Variants in ZNF197 observed in about 807,000 individuals in gnomAD.
ZNF197 encodes zinc finger protein 197, also known as VHL-associated KRAB-A domain-containing protein.
In ZNF197, 14 loss-of-function variants were observed where a neutral mutation model predicts 27.4. The observed-to-expected ratio is 0.51, with a 90% CI of 0.34 to 0.80. The LOEUF is 0.80. ZNF197 is among the 30% of genes least tolerant of loss of function. ZNF197 has a pLI of 0.02. For missense variants in ZNF197, 1,090 were observed against 1,222.6 expected (o/e 0.89, Z 1.62); for synonymous variants, 415 against 420.0 (o/e 0.99, Z 0.15).
chr3:44,626,091 T>C (rs1701645750), intron 1 of ZNF197, among the ~76,000 whole-genome samples: 1 of 152,228 alleles, frequency 6.6e-6, no homozygotes, highest in Non-Finnish European at 1.5e-5. Flanking sequence ...ATAAAATGTA[T>C]GTTTAAGAAT....
chr3:44,629,499 C>T lies in ZNF197; in HGVS notation c.345C>T (p.Ala115=), dbSNP rs1701861116. 1 of 1,594,010 alleles carries T rather than the reference C, an allele frequency of 6.3e-7. No homozygotes were observed. The highest frequency in any genetic ancestry group is 1.1e-5 in the South Asian group (1 of 87,622). The part of the protein sequence containing the change: ...HHPGSGEEAV[A]LVEELQKDLD... Reference sequence around the variant, plus strand: ...CTGGAAGTGGCGAGGAGGCTGTGGCCCTGGTAGAGGAGCTGCAGAAAGACC... The same window carrying T: ...CTGGAAGTGGCGAGGAGGCTGTGGCTCTGGTAGAGGAGCTGCAGAAAGACC... The change falls in exon 2 of 6, where the codon GCC becomes GCT. Residue 115 remains alanine (A), a synonymous_variant. Transcript: ENST00000344387.
intron 1 of ZNF197, among the ~76,000 whole-genome samples, chr3:44,628,224 A>G (rs1212933092): frequency 6.6e-6 from 1 of 152,170 alleles, no homozygotes; most frequent in Non-Finnish European, 1.5e-5. Flanking sequence ...CATAGTTCAG[A>G]ATAATAGCAG....
rs147419381 is a variant in ZNF197, at chr3:44,631,595, G to A, written c.550+374G>A. Among the ~76,000 whole-genome samples the A allele has an allele frequency of 3.2e-4, 48 of 151,814 alleles. No homozygotes were observed. In the East Asian group the frequency reaches 7.4e-3, roughly 23 times the overall value. On this transcript the variant is annotated intron_variant, in intron 3 of 5. Transcript: ENST00000344387. ...TTTTAATTTTTTTTTTAGTAGAAAC[G>A]GGGTTTCACTGTGTTAGCCAAGATG...
chr3:44,644,033 G>A lies in ZNF197; in HGVS notation c.2903G>A (p.Arg968Lys). Residue 968 changes from arginine (R) to lysine (K), a missense_variant, in exon 6 of 6, where the codon AGG becomes AAG. Arg to Lys is a conservative substitution (Grantham distance 26, BLOSUM62 2). Transcript: ENST00000344387. ...TGTAATGATTGTAGTAAAGTTTTTA[G>A]GCAAAGAAAAAACCTTACTGTACAT... The part of the protein sequence containing the change: ...YGCNDCSKVF[R>K]QRKNLTVHQK... The A allele has an allele frequency of 6.2e-7, 1 of 1,613,892 alleles. No individual in the cohort carries two copies. Among genetic ancestry groups the A allele is most frequent in the Non-Finnish European group, 8.5e-7 (1 of 1,179,950 alleles).
chr3:44,643,304 A>G lies in ZNF197; in HGVS notation c.2174A>G (p.Gln725Arg). 2.5e-6 allele frequency: 4 copies of G among 1,613,910 alleles called. No individual in the cohort carries two copies. The highest frequency in any genetic ancestry group is 2.5e-6 in the Non-Finnish European group (3 of 1,179,962). ...ATGAGCAAAAGTTTTATGGTCCATC[A>G]GAAACTCCATACACAAGAGAAAGCC... ...FIMSKSFMVH[Q>R]KLHTQEKAYK... Residue 725 changes from glutamine to arginine, a missense_variant, in exon 6 of 6, where the codon CAG (glutamine) becomes CGG (arginine). Coordinates refer to ENST00000344387, the MANE Select transcript of ZNF197 (RefSeq NM_006991.5).
Position 44,631,094 on chromosome 3 carries a change from C to T in ZNF197, c.423C>T (p.Leu141=), listed in dbSNP as rs754783577. Residue 141 remains leucine (L), a synonymous_variant, in exon 3 of 6, where the codon CTC becomes CTT. Transcript: ENST00000344387. ...VPVLVKDQDT[L]QKVVSAPGTT... Reference sequence around the variant, plus strand: ...TCCTTGTCAAGGATCAGGACACTCTCCAGAAGGTGGTGAGTGCCCCAGGAA... The same window carrying T: ...TCCTTGTCAAGGATCAGGACACTCTTCAGAAGGTGGTGAGTGCCCCAGGAA... 2 of 1,614,140 alleles carry T rather than the reference C, an allele frequency of 1.2e-6. No homozygotes were observed. The highest frequency in any genetic ancestry group is 4.5e-5 in the East Asian group (2 of 44,874).
rs1289418430 is a variant in ZNF197, at chr3:44,645,510, A to C, written c.*1290A>C. The C allele has an allele frequency of 1.0e-6, 1 of 985,310 alleles. No homozygotes were observed. Among genetic ancestry groups the C allele is most frequent in the Non-Finnish European group, 1.2e-6 (1 of 829,946 alleles). The allele number at this position is 985,310 out of a possible 1,614,324, so 61.0% of individuals were successfully genotyped here. On this transcript the variant is annotated 3_prime_UTR_variant, in exon 6 of 6. Coordinates refer to ENST00000344387, the MANE Select transcript of ZNF197 (RefSeq NM_006991.5). ...GAAAAAAATGTTATGGCCAGCCATTAACAGTGATGCCAAGGAAAACAATTT... is the reference window on the plus strand; with the variant it reads ...GAAAAAAATGTTATGGCCAGCCATTCACAGTGATGCCAAGGAAAACAATTT...
intron 1 of ZNF197, among the ~76,000 whole-genome samples, chr3:44,627,218 T>G (rs1053826605): frequency 6.6e-5 from 10 of 152,224 alleles, no homozygotes; most frequent in Admixed American, 3.3e-4. Flanking sequence ...CAAGTGAATA[T>G]ATTACTATTT....
rs1437094732 is a variant in ZNF197, at chr3:44,642,112, G to A, written c.982G>A (p.Glu328Lys). The change falls in exon 6 of 6, where the codon GAA (glutamate) becomes AAA (lysine). Residue 328 changes from glutamate to lysine, a missense_variant. Coordinates refer to ENST00000344387, the MANE Select transcript of ZNF197 (RefSeq NM_006991.5). ...ADTVKKVSLC[E>K]RDKKKRTPPE... is the part of the protein sequence containing the mutation. ...TACAGTGAAGAAAGTTTCCCTTTGT[G>A]AACGAGACAAGAAGAAAAGGACTCC... The A allele has an allele frequency of 8.1e-6, 13 of 1,613,922 alleles. No homozygotes were observed. Among genetic ancestry groups the A allele is most frequent in the Non-Finnish European group, 1.1e-5 (13 of 1,180,006 alleles).
chr3:44,641,195 A>C (rs1023541250), intron 5 of ZNF197, among the ~76,000 whole-genome samples: 2 of 152,082 alleles, frequency 1.3e-5, no homozygotes, highest in African/African-American at 4.8e-5. Context: ...CATTTTACAG[A>C]TGTTTTCATA....
intron 5 of ZNF197, among the ~76,000 whole-genome samples, chr3:44,633,485 C>G (rs1702118803): frequency 6.6e-6 from 1 of 152,132 alleles, no homozygotes; most frequent in Non-Finnish European, 1.5e-5. Context: ...CAGTTTCATT[C>G]CTAGGGATTA....
intron 1 of ZNF197, among the ~76,000 whole-genome samples, chr3:44,626,481 A>G (rs1037416497): frequency 6.6e-6 from 1 of 152,254 alleles, no homozygotes; most frequent in East Asian, 1.9e-4. Context: ...AAACTGAGAA[A>G]AATTTGCAGC....
In ZNF197 at chr3:44,642,869, G is replaced by A. The variant is rs980715633; in HGVS notation, c.1739G>A (p.Ser580Asn). The A allele has an allele frequency of 1.9e-6, 3 of 1,614,098 alleles. No individual in the cohort carries two copies. Among genetic ancestry groups the A allele is most frequent in the Non-Finnish European group, 2.5e-6 (3 of 1,180,018 alleles). The change falls in exon 6 of 6, where the codon AGC (serine) becomes AAC (asparagine). Residue 580 changes from serine (S) to asparagine (N), a missense_variant. Physicochemically the swap from Ser to Asn is conservative, Grantham distance 46. Coordinates refer to ENST00000344387, the MANE Select transcript of ZNF197 (RefSeq NM_006991.5). ...GGAAAAGTTTTCATTCGAAGCAAAAGCCTCCTCTTACATCAGAGAGTCCAC... is the reference window on the plus strand; with the variant it reads ...GGAAAAGTTTTCATTCGAAGCAAAAACCTCCTCTTACATCAGAGAGTCCAC... ...ECGKVFIRSK[S>N]LLLHQRVHTE...
At position 44,632,534 on chromosome 3, in the gene ZNF197, G is replaced by A. The variant is rs539220185; in HGVS notation, c.704G>A (p.Gly235Asp). 6 of 1,610,994 alleles carry A rather than the reference G, an allele frequency of 3.7e-6. No individual in the cohort carries two copies. The African/African-American group carries it at 6.7e-5, about 18-fold the overall frequency. The change falls in exon 5 of 6, where the codon GGC (glycine) becomes GAC (aspartate). Residue 235 changes from glycine to aspartate, a missense_variant. Transcript: ENST00000344387. ...CFTSEEWACL[G>D]PIQRALYWDV... is the part of the protein sequence containing the mutation. ...ACTTCAGAGGAATGGGCATGTCTGGGCCCAATCCAGAGGGCCTTGTACTGG... is the reference window on the plus strand; with the variant it reads ...ACTTCAGAGGAATGGGCATGTCTGGACCCAATCCAGAGGGCCTTGTACTGG...
intron 5 of ZNF197, among the ~76,000 whole-genome samples, chr3:44,636,160 C>A (rs1466348476): frequency 6.6e-6 from 1 of 152,118 alleles, no homozygotes; most frequent in Non-Finnish European, 1.5e-5. Flanking sequence ...AAAAAATTAG[C>A]CGGGTGTGGT....
chr3:44,633,105 ATCCCTGTCC>A (rs1344734601), intron 5 of ZNF197, among the ~76,000 whole-genome samples: 4 of 152,126 alleles, frequency 2.6e-5, no homozygotes, highest in Non-Finnish European at 5.9e-5. Context: ...TTCTGTAGCG[ATCCCTGTCC>A]TCTCTGTTCT....
chr3:44,629,845 A>T (rs553170189), intron 2 of ZNF197, among the ~76,000 whole-genome samples: 1 of 151,374 alleles, frequency 6.6e-6, no homozygotes, highest in African/African-American at 2.4e-5. Context: ...TGAAGAAGAA[A>T]TGTTAATAAG....
intron 5 of ZNF197, among the ~76,000 whole-genome samples, chr3:44,635,108 A>G (rs996799150): frequency 6.6e-6 from 1 of 151,808 alleles, no homozygotes; most frequent in African/African-American, 2.4e-5. Context: ...AACACTCACC[A>G]TGGACCCATA....
At position 44,625,540 on chromosome 3, in the gene ZNF197, G is replaced by A. The variant is rs191800173; in HGVS notation, c.-82+397G>A. 1.4e-3 allele frequency among the ~76,000 whole-genome samples: 213 copies of A among 152,156 alleles called. 3 individuals are homozygous for A. Among genetic ancestry groups the A allele is most frequent in the Non-Finnish European group, 7.6e-4 (52 of 67,994 alleles). On this transcript the variant is annotated intron_variant, in intron 1 of 5. Coordinates refer to ENST00000344387, the MANE Select transcript of ZNF197 (RefSeq NM_006991.5). ...TACCGGTGGCGCCCAGACTCTTGAG[G>A]ACGGATTTTTTTGTTTGTTTGTTTT... is the stretch of plus-strand genomic sequence containing the variant.
Sources: allele counts gnomAD v4.1 joint callset (sites outside exome capture counted in the v4.1 genomes callset), GRCh38; gene constraint gnomAD v4.1.1; transcripts MANE v1.5; gene names NCBI Gene and HGNC (gene_info 2026-07-23, HGNC 2026-07-21).